Variants in BPIFA1 observed in about 807,000 individuals in gnomAD.
The protein encoded by BPIFA1 is BPI fold containing family A member 1, also known as BPI fold-containing family A member 1.
Under a neutral mutation model 25.1 loss-of-function variants are expected in BPIFA1, and 24 were observed. The ratio of observed to expected loss-of-function variants is 0.96; its 90% CI spans 0.69 to 1.35. BPIFA1 has a LOEUF of 1.35. BPIFA1 is among the 40% of genes most tolerant of loss of function. The probability of loss-of-function intolerance (pLI) is 0.00; values close to 1 mark genes in which losing one functional copy is unlikely to be tolerated. For synonymous variants in BPIFA1, 139 were observed against 131.8 expected, an observed-to-expected ratio of 1.05 and a Z score of -0.37; for missense variants, 344 against 303.7, an observed-to-expected ratio of 1.13 and a Z score of -0.99.
Position 33,242,104 on chromosome 20 carries a change from G to C in BPIFA1, c.715G>C (p.Val239Leu). Residue 239 changes from valine to leucine, a missense_variant, in exon 7 of 9, where the codon GTG (valine) becomes CTG (leucine). Physicochemically the swap from Val to Leu is conservative, Grantham distance 32. Transcript: ENST00000354297. ...TCTCAGAGGCTTGGACATCACCCTG[G>C]TGCATGACATTGTTAGTAAGTACCT... ...EVLRGLDITLVHDIVNMLIHG... is the reference protein window; with the variant it reads ...EVLRGLDITLLHDIVNMLIHG... 6.2e-7 allele frequency: 1 copy of C among 1,614,076 alleles called. No individual in the cohort carries two copies. The highest frequency in any genetic ancestry group is 1.1e-5 in the South Asian group (1 of 91,074).
Position 33,241,418 on chromosome 20 carries a change from C to A in BPIFA1, c.615C>A (p.Asp205Glu), listed in dbSNP as rs763597007. The stretch of plus-strand genomic sequence containing the variant: ...CCCTCCCCATTCAAGGTCTTCTGGA[C>A]AGCCTCACAGGGATCTTGAATAAAG... ...LGPLPIQGLL[D>E]SLTGILNKVL... Residue 205 changes from aspartate to glutamate, a missense_variant, in exon 6 of 9, where the codon GAC becomes GAA. Asp to Glu is a conservative substitution (Grantham distance 45). Coordinates refer to ENST00000354297, the MANE Select transcript of BPIFA1 (RefSeq NM_130852.3). 3.1e-6 allele frequency: 5 copies of A among 1,614,144 alleles called. No individual in the cohort carries two copies. The highest frequency in any genetic ancestry group is 3.4e-6 in the Non-Finnish European group (4 of 1,179,986).
chr20:33,239,954 G>T (rs191104003), intron 4 of BPIFA1, 44 bp downstream of exon 4: 1 of 1,557,486 alleles, frequency 6.4e-7, no homozygotes. Flanking sequence ...CTCACCGAGG[G>T]AGACCCTGGT....
intron 3 of BPIFA1, among the ~76,000 whole-genome samples, chr20:33,239,106 T>C (rs938065151): frequency 6.6e-6 from 1 of 152,100 alleles, no homozygotes; most frequent in East Asian, 1.9e-4. Context: ...ACCCATCAAA[T>C]GGCCTCCCTG....
intron 1 of BPIFA1, 36 bp downstream of exon 1, chr20:33,236,086 C>G (rs931012118): frequency 6.6e-6 from 1 of 152,210 alleles, no homozygotes; most frequent in Non-Finnish European, 1.5e-5. Context: ...CTCTGCTACC[C>G]TTAACGGCAG....
chr20:33,239,676 C>T, intron 3 of BPIFA1, 127 bp from the exon 4 acceptor site: 1 of 896,022 alleles, frequency 1.1e-6, no homozygotes. Flanking sequence ...GCAAGACTCC[C>T]CTCCCATCTC....
In BPIFA1 at chr20:33,242,226, A is replaced by G. The variant is rs1045128114; in HGVS notation, c.730+107A>G. The G allele has an allele frequency of 4.1e-6, 5 of 1,212,352 alleles. No individual in the cohort carries two copies. In the African/African-American group the frequency reaches 6.0e-5, roughly 15 times the overall value. The allele number at this position is 1,212,352 out of a possible 1,614,324, so 75.1% of individuals were successfully genotyped here. On this transcript the variant is annotated intron_variant, in intron 7 of 8. Coordinates refer to ENST00000354297, the MANE Select transcript of BPIFA1 (RefSeq NM_130852.3). ...AGGATACTAGGTCCCTCTGGCCTCAACTCTCTCTATTTTGGGCTTCATTTT... is the reference window on the plus strand; with the variant it reads ...AGGATACTAGGTCCCTCTGGCCTCAGCTCTCTCTATTTTGGGCTTCATTTT...
chr20:33,241,254 G>A (rs537062373), intron 5 of BPIFA1, 131 bp from the exon 6 acceptor site: 33 of 814,674 alleles, frequency 4.1e-5, no homozygotes, highest in African/African-American at 2.2e-4. Flanking sequence ...TGGCCTGCAC[G>A]TGGGTGTAGA....
chr20:33,242,588 G>C, intron 8 of BPIFA1, 27 bp downstream of exon 8: 1 of 1,551,310 alleles, frequency 6.4e-7, no homozygotes, highest in Non-Finnish European at 8.9e-7. Context: ...ACACCCCAGG[G>C]TTTTGGGGGC....
chr20:33,236,413 T>C (rs1978679826), intron 1 of BPIFA1, among the ~76,000 whole-genome samples: 1 of 152,228 alleles, frequency 6.6e-6, no homozygotes, highest in East Asian at 1.9e-4. Context: ...ATTGGATTCA[T>C]AAAGGGTCTG....
rs1336364142 is a variant in BPIFA1 at position 33,240,269 on chromosome 20, G to A, written c.465G>A (p.Val155=). ...GTGCAAGTCTGTTGAGGCTGGCTGT[G>A]AAGCTGGACATCACTGCAGAAATCT... ...LVGASLLRLA[V]KLDITAEILA... is the part of the protein sequence containing the mutation. Residue 155 remains valine (V), a synonymous_variant, in exon 5 of 9, where the codon GTG becomes GTA. Coordinates refer to ENST00000354297, the MANE Select transcript of BPIFA1 (RefSeq NM_130852.3). The A allele has an allele frequency of 1.2e-6, 2 of 1,614,100 alleles. No homozygotes were observed. The highest frequency in any genetic ancestry group is 1.7e-6 in the Non-Finnish European group (2 of 1,180,040).
intron 1 of BPIFA1, among the ~76,000 whole-genome samples, chr20:33,236,816 A>G (rs1978700953): frequency 6.6e-6 from 1 of 152,190 alleles, no homozygotes; most frequent in South Asian, 2.1e-4. Context: ...TTATTGTATG[A>G]CCTTGGGAAA....
intron 6 of BPIFA1, 81 bp downstream of exon 6, chr20:33,241,550 T>G: frequency 8.5e-7 from 1 of 1,171,688 alleles, no homozygotes; most frequent in Non-Finnish European, 1.3e-6. Flanking sequence ...GCTAAGTGGG[T>G]CCGAGTCCCT....
At position 33,236,058 on chromosome 20, in the gene BPIFA1, C is replaced by T. The variant is rs1978663897; in HGVS notation, c.-16+8C>T. The T allele has an allele frequency of 6.6e-6, 1 of 152,168 alleles. No homozygotes were observed. The highest frequency in any genetic ancestry group is 1.9e-4 in the East Asian group (1 of 5,182). The allele number at this position is 152,168 out of a possible 1,614,324, so 9.4% of individuals were successfully genotyped here. A position where few individuals can be genotyped will look rare whatever the true frequency, so the allele number is the denominator to read the frequency against. On this transcript the variant is annotated splice_region_variant and intron_variant, in intron 1 of 8. Transcript: ENST00000354297. The stretch of plus-strand genomic sequence containing the variant: ...GACCTCTAAGAAGTCCAGGTAAGAG[C>T]CATCCATTCTGTGGCCCCTCTGCTA...
chr20:33,238,319 G>A, intron 3 of BPIFA1, 105 bp downstream of exon 3: 1 of 1,345,682 alleles, frequency 7.4e-7, no homozygotes, highest in Non-Finnish European at 1.0e-6. Flanking sequence ...AAGCAGCGAG[G>A]GAGCGGCCTG....
At chr20:33,239,186 G>T (rs1978839578) in intron 3 of BPIFA1, among the ~76,000 whole-genome samples, 1 of 152,074 alleles carries the variant, frequency 6.6e-6, no homozygotes, top group African/African-American at 2.4e-5. Flanking sequence ...TGGATGGTTG[G>T]AAAGATAGGA....
intron 7 of BPIFA1, 50 bp from the exon 8 acceptor site, chr20:33,242,437 T>C (rs761697181): frequency 4.5e-5 from 72 of 1,603,302 alleles, no homozygotes; most frequent in South Asian, 2.3e-4. Context: ...CTCCTTCACG[T>C]TGAGATCATA....
At chr20:33,242,604 GTTC>G (rs1190238088) in intron 8 of BPIFA1, 43 bp downstream of exon 8, 2 of 1,455,076 alleles carry the variant, frequency 1.4e-6, no homozygotes, top group Admixed American at 1.7e-5. Flanking sequence ...GGGGCTGGCT[GTTC>G]TTCTCCTGGT....
Position 33,242,107 on chromosome 20 carries a change from C to A in BPIFA1, c.718C>A (p.His240Asn), listed in dbSNP as rs1334741576. Residue 240 changes from histidine (H) to asparagine (N), a missense_variant, in exon 7 of 9, where the codon CAT (histidine) becomes AAT (asparagine). Transcript: ENST00000354297. ...CAGAGGCTTGGACATCACCCTGGTG[C>A]ATGACATTGTTAGTAAGTACCTGCT... ...VLRGLDITLV[H>N]DIVNMLIHGL... 2 of 1,614,142 alleles carry A rather than the reference C, an allele frequency of 1.2e-6. No homozygotes were observed. Among genetic ancestry groups the A allele is most frequent in the Non-Finnish European group, 1.7e-6 (2 of 1,179,976 alleles).
intron 3 of BPIFA1, 138 bp downstream of exon 3, chr20:33,238,352 C>A: frequency 1.9e-6 from 2 of 1,029,274 alleles, no homozygotes; most frequent in Non-Finnish European, 2.8e-6. Flanking sequence ...GGACTCAGTT[C>A]TGAGACCCAT....
Sources: gnomAD v4.1 joint callset for allele counts (sites outside exome capture counted in the v4.1 genomes callset) on GRCh38, gnomAD v4.1.1 for gene constraint, MANE v1.5 for transcripts, NCBI Gene and HGNC (gene_info 2026-07-23, HGNC 2026-07-21) for gene names.